STPG2: variants seen among roughly 807,000 people sequenced by gnomAD.
STPG2 encodes sperm-tail PG-rich repeat-containing protein 2.
A neutral mutation model predicts 54.2 loss-of-function variants in STPG2; 56 were observed. The observed-to-expected ratio is 1.03, with a 90% CI of 0.83 to 1.29. The LOEUF (loss-of-function observed/expected upper bound fraction) is 1.29, where lower values mean the gene tolerates loss of function less well. Among genes scored for constraint, STPG2 ranks in the 50% most tolerant of loss-of-function variants. The pLI, the probability that STPG2 is intolerant of heterozygous loss-of-function variation, is 0.00. For synonymous variants in STPG2, 200 were observed against 181.8 expected, an observed-to-expected ratio of 1.10 and a Z score of -0.81; for missense variants, 596 against 544.9, an observed-to-expected ratio of 1.09 and a Z score of -0.93.
At chr4:97,721,048 G>A (rs1350397219) in intron 9 of STPG2, among the ~76,000 whole-genome samples, 5 of 151,908 alleles carry the variant, frequency 3.3e-5, no homozygotes, top group African/African-American at 1.2e-4. Flanking sequence ...TAAATACAGT[G>A]CCTTAACCAT....
intron 3 of STPG2, among the ~76,000 whole-genome samples, chr4:98,121,368 T>A (rs1739674511): frequency 7.9e-6 from 1 of 126,806 alleles, no homozygotes; most frequent in South Asian, 2.6e-4. Context: ...GTCTTGGCTA[T>A]ACAGACTCTT....
intron 4 of STPG2, among the ~76,000 whole-genome samples, chr4:97,457,069 T>G (rs1729546892): frequency 6.6e-6 from 1 of 152,022 alleles, no homozygotes; most frequent in Non-Finnish European, 1.5e-5. Context: ...TACCTACTGA[T>G]CCGAATGATC....
At chr4:97,692,097 C>G (rs567549756) in intron 10 of STPG2, among the ~76,000 whole-genome samples, 2 of 152,188 alleles carry the variant, frequency 1.3e-5, no homozygotes, top group South Asian at 4.1e-4. Flanking sequence ...ACCAGAAAAA[C>G]AACTCCAGTA....
chr4:97,542,625 T>C lies in STPG2; in HGVS notation c.462+170074A>G, dbSNP rs1160352283. Among the ~76,000 whole-genome samples the C allele has an allele frequency of 2.0e-4, 31 of 152,304 alleles. 1 individual carries two copies. The highest frequency in any genetic ancestry group is 7.2e-4 in the African/African-American group (30 of 41,564). On this transcript the variant is annotated intron_variant, in intron 4 of 4. Transcript: ENST00000522676. ...CTCAGCCATCCCATTACTGGGTATA[T>C]ATCCAAAGCAATATAAATCATGTTG...
At chr4:97,859,576 T>C (rs532532741) in intron 8 of STPG2, among the ~76,000 whole-genome samples, 1 of 151,992 alleles carries the variant, frequency 6.6e-6, no homozygotes, top group East Asian at 1.9e-4. Context: ...GTGATTCTCC[T>C]GCCTCAGGCT....
At chr4:97,554,610 A>T (rs1223114934), downstream of STPG2, among the ~76,000 whole-genome samples, 1 of 152,156 alleles carries the variant, frequency 6.6e-6, no homozygotes, top group Non-Finnish European at 1.5e-5. Context: ...CAATGAAGTG[A>T]TACAATATAG....
At chr4:97,744,201 T>C (rs1281336300) in intron 9 of STPG2, among the ~76,000 whole-genome samples, 1 of 151,492 alleles carries the variant, frequency 6.6e-6, no homozygotes, top group Non-Finnish European at 1.5e-5. Context: ...AATATTCTTT[T>C]CTTCTTCTGT....
At chr4:97,681,149 A>T (rs893165599) in intron 10 of STPG2, among the ~76,000 whole-genome samples, 4 of 152,102 alleles carry the variant, frequency 2.6e-5, no homozygotes, top group Non-Finnish European at 5.9e-5. Flanking sequence ...ATGTAAAAAG[A>T]AACCTATTAG....
At chr4:97,835,186 A>G (rs1271566783) in intron 9 of STPG2, among the ~76,000 whole-genome samples, 1 of 152,112 alleles carries the variant, frequency 6.6e-6, no homozygotes, top group African/African-American at 2.4e-5. Context: ...AAATCCCACC[A>G]AAACCAAGAT....
chr4:97,996,766 A>T (rs947358112), intron 5 of STPG2, among the ~76,000 whole-genome samples: 1 of 152,170 alleles, frequency 6.6e-6, no homozygotes. Flanking sequence ...TGCCTACTTT[A>T]AAAAATAGGC....
At chr4:97,531,475 T>C (rs1731412374) in intron 4 of STPG2, among the ~76,000 whole-genome samples, 1 of 152,156 alleles carries the variant, frequency 6.6e-6, no homozygotes, top group Non-Finnish European at 1.5e-5. Context: ...CATCAGCAGA[T>C]GAAATAATAA....
At chr4:98,130,954 C>T (rs1417271178) in intron 2 of STPG2, among the ~76,000 whole-genome samples, 1 of 120,362 alleles carries the variant, frequency 8.3e-6, no homozygotes, top group Non-Finnish European at 1.9e-5. Context: ...AAAAAAACGA[C>T]TTTCCAAAAT....
chr4:97,857,169 T>C (rs1305343927), intron 8 of STPG2, among the ~76,000 whole-genome samples: 1 of 152,212 alleles, frequency 6.6e-6, no homozygotes, highest in Non-Finnish European at 1.5e-5. Flanking sequence ...GGTTCTGGCC[T>C]CAAAGAATGA....
rs1730785157 is a variant in STPG2, at chr4:97,503,824, TAAAAA to T, written c.462+208870_462+208874del. ...ATTTTAAAAATATATTTAAATATTT[TAAAAA>T]TATATTTTCATATTCATATAAATAT... is the stretch of plus-strand genomic sequence containing the variant. On this transcript the variant is annotated intron_variant, in intron 4 of 4. Coordinates refer to the STPG2 transcript ENST00000522676. 1.6e-5 allele frequency among the ~76,000 whole-genome samples: 2 copies of T among 123,748 alleles called. 1 individual carries two copies. Among genetic ancestry groups the T allele is most frequent in the Non-Finnish European group, 3.3e-5 (2 of 60,954 alleles). The allele number at this position is 123,748 out of a possible 152,430, so 81.2% of individuals were successfully genotyped here.
chr4:97,609,512 G>A (rs1269015167), intron 10 of STPG2, among the ~76,000 whole-genome samples: 4 of 151,936 alleles, frequency 2.6e-5, no homozygotes, highest in African/African-American at 4.8e-5. Flanking sequence ...ATTAAGGTAA[G>A]TATCATCATA....
intron 9 of STPG2, among the ~76,000 whole-genome samples, chr4:97,742,712 T>C (rs1199266829): frequency 6.8e-6 from 1 of 147,858 alleles, no homozygotes; most frequent in East Asian, 2.0e-4. Context: ...GTGTGGAATA[T>C]TTAAAAAAAA....
At chr4:98,016,194 C>T (rs1347225533) in intron 5 of STPG2, among the ~76,000 whole-genome samples, 1 of 152,138 alleles carries the variant, frequency 6.6e-6, no homozygotes, top group Admixed American at 6.5e-5. Flanking sequence ...TATCCCAGAA[C>T]TTAAAGTACA....
At chr4:97,742,946 G>A (rs1725309971) in intron 9 of STPG2, among the ~76,000 whole-genome samples, 2 of 150,992 alleles carry the variant, frequency 1.3e-5, no homozygotes, top group South Asian at 2.1e-4. Context: ...AAATGAGGGA[G>A]ATGTTAATTG....
At chr4:98,053,262 T>A (rs1737380982) in intron 5 of STPG2, among the ~76,000 whole-genome samples, 1 of 152,072 alleles carries the variant, frequency 6.6e-6, no homozygotes, top group East Asian at 1.9e-4. Context: ...CAAAATAACA[T>A]CAAAATAGTC....
Sources: allele counts gnomAD v4.1 joint callset (sites outside exome capture counted in the v4.1 genomes callset), GRCh38; gene constraint gnomAD v4.1.1; transcripts MANE v1.5; gene names NCBI Gene and HGNC (gene_info 2026-07-23, HGNC 2026-07-21).